DNAH5: variants seen among roughly 807,000 people sequenced by gnomAD.
DNAH5 encodes the protein dynein axonemal heavy chain 5.
A neutral mutation model predicts 518.2 loss-of-function variants in DNAH5; 372 were observed. The observed-to-expected ratio is 0.72, with a 90% CI of 0.66 to 0.78. The LOEUF (loss-of-function observed/expected upper bound fraction) is 0.78. DNAH5 is among the 30% of genes least tolerant of loss of function. The probability of loss-of-function intolerance (pLI) is 0.00; values close to 1 mark genes in which losing one functional copy is unlikely to be tolerated. For missense variants in DNAH5, 5,523 were observed against 5,687.0 expected, an observed-to-expected ratio of 0.97 and a Z score of 0.93; for synonymous variants, 2,039 against 2,025.9, an observed-to-expected ratio of 1.01 and a Z score of -0.17.
In DNAH5 at chr5:13,718,958, T is replaced by C. The variant is rs756382401; in HGVS notation, c.12423A>G (p.Thr4141=). 1.2e-6 allele frequency: 2 copies of C among 1,613,754 alleles called. No individual in the cohort carries two copies. The highest frequency in any genetic ancestry group is 1.7e-6 in the Non-Finnish European group (2 of 1,179,968). The change falls in exon 72 of 79, where the codon ACA becomes ACG. Residue 4141 remains threonine (T), a synonymous_variant. Coordinates refer to ENST00000265104, the MANE Select transcript of DNAH5 (RefSeq NM_001369.3). Reference sequence around the variant, plus strand: ...CAAATTTAATGGACATCTGAAGGAGTGTAATGGGAAACTGCTTATGAGCCT... The same window carrying C: ...CAAATTTAATGGACATCTGAAGGAGCGTAATGGGAAACTGCTTATGAGCCT... The part of the protein sequence containing the change: ...TTEAHKQFPI[T]LLQMSIKFAN...
At chr5:13,770,332 G>A (rs1353819028) in intron 56 of DNAH5, among the ~76,000 whole-genome samples, 1 of 152,166 alleles carries the variant, frequency 6.6e-6, no homozygotes. Context: ...GGAAGAGAAG[G>A]GCAAGAAGAG....
In DNAH5 at chr5:13,766,052, T is replaced by C. The variant is rs750485924; in HGVS notation, c.10025A>G (p.Glu3342Gly). 6.2e-7 allele frequency: 1 copy of C among 1,614,206 alleles called. No homozygotes were observed. The highest frequency in any genetic ancestry group is 1.1e-5 in the South Asian group (1 of 91,090). Reference sequence around the variant, plus strand: ...CCAGGAGGGCATGGTACAGCTTTTTTCCAGGTCAATTTTCACAGCACTGAC... The same window carrying C: ...CCAGGAGGGCATGGTACAGCTTTTTCCCAGGTCAATTTTCACAGCACTGAC... ...RKVSAVKIDL[E>G]KSCTMPSWQE... Residue 3342 changes from glutamate (E) to glycine (G), a missense_variant, in exon 59 of 79, where the codon GAA becomes GGA. By Grantham distance (98) the Glu-to-Gly change is moderately conservative. Around this residue, in one of 3 missense-constraint regions of DNAH5, gnomAD observed 5,121 missense variants for 5,223.3 expected, o/e 0.98. Transcript: ENST00000265104.
intron 9 of DNAH5, 57 bp from the exon 10 acceptor site, chr5:13,914,699 T>G: frequency 6.4e-7 from 1 of 1,571,122 alleles, no homozygotes; most frequent in East Asian, 2.3e-5. Flanking sequence ...GATTGTAAAC[T>G]GGACTAGAAG....
In DNAH5 at chr5:13,886,206, G is replaced by A; in HGVS notation, c.2578-77C>T. On this transcript the variant is annotated intron_variant, in intron 17 of 78. Coordinates refer to ENST00000265104, the MANE Select transcript of DNAH5 (RefSeq NM_001369.3). ...TAGCTTTTGAGAGCACAGAAACAGT[G>A]GTAGCAATGCTGTGGCTCAGCCTCC... 11 of 1,421,692 alleles carry A rather than the reference G, an allele frequency of 7.7e-6. No individual in the cohort carries two copies. The South Asian group carries it at 1.4e-4, about 18-fold the overall frequency. 88.1% of individuals were successfully genotyped at this position (1,421,692 alleles called of 1,614,324 possible). A position where few individuals can be genotyped will look rare whatever the true frequency, so the allele number is the denominator to read the frequency against.
chr5:13,710,844 A>G (rs952310138), intron 75 of DNAH5, among the ~76,000 whole-genome samples: 47 of 152,228 alleles, frequency 3.1e-4, no homozygotes, highest in African/African-American at 1.1e-3. Flanking sequence ...GAAGAGACCA[A>G]TAACAGGCAG....
intron 1 of DNAH5, among the ~76,000 whole-genome samples, chr5:13,977,991 T>C (rs1204108937): frequency 6.6e-6 from 1 of 152,176 alleles, no homozygotes; most frequent in Non-Finnish European, 1.5e-5. Context: ...GGGAAAAGGC[T>C]GTGTATATAA....
In DNAH5 at chr5:13,859,617, A is replaced by T. The variant is rs753846579; in HGVS notation, c.4797-12T>A. ...ATGGCATATTGTACCTAAAATAAGA[A>T]ATAGGTTTAGGGTTTGGTTTTGTTT... On this transcript the variant is annotated splice_polypyrimidine_tract_variant and intron_variant, in intron 29 of 78. Coordinates refer to ENST00000265104, the MANE Select transcript of DNAH5 (RefSeq NM_001369.3). 8.7e-6 allele frequency: 14 copies of T among 1,613,086 alleles called. No individual in the cohort carries two copies. Among genetic ancestry groups the T allele is most frequent in the African/African-American group, 1.3e-5 (1 of 74,920 alleles).
In DNAH5 at chr5:13,793,545, G is replaced by A. The variant is rs1182340295; in HGVS notation, c.8194C>T (p.Pro2732Ser). 1.2e-6 allele frequency: 2 copies of A among 1,613,940 alleles called. No individual in the cohort carries two copies. Among genetic ancestry groups the A allele is most frequent in the Non-Finnish European group, 1.7e-6 (2 of 1,179,924 alleles). The change falls in exon 49 of 79, where the codon CCC becomes TCC. Residue 2732 changes from proline to serine, a missense_variant. Physicochemically the swap from Pro to Ser is moderately conservative, Grantham distance 74. This residue lies in a region of DNAH5 where 5,121 missense variants were observed against 5,223.3 expected (regional missense o/e 0.98). Coordinates refer to ENST00000265104, the MANE Select transcript of DNAH5 (RefSeq NM_001369.3). ...ATCTTGTCCACAGAAGCTTCAGAGG[G>A]CAACGTGCAATTAAATATAGAGAAC... ...RQFSIFNCTL[P>S]SEASVDKIFG...
intron 27 of DNAH5, 67 bp downstream of exon 27, chr5:13,865,601 G>T (rs1176299010): frequency 2.1e-6 from 2 of 962,420 alleles, no homozygotes; most frequent in East Asian, 4.8e-5. Flanking sequence ...AGAGAACTTG[G>T]CTGCCTATCA....
At chr5:13,851,515 G>T (rs769465692) in intron 30 of DNAH5, among the ~76,000 whole-genome samples, 1 of 151,898 alleles carries the variant, frequency 6.6e-6, no homozygotes, top group East Asian at 1.9e-4. Flanking sequence ...TCATCATGTT[G>T]CCCAGGCTGG....
intron 65 of DNAH5, 134 bp downstream of exon 65, chr5:13,750,944 G>A (rs1750126829): frequency 1.0e-6 from 1 of 980,622 alleles, no homozygotes; most frequent in Admixed American, 2.3e-5. Context: ...AAAACACTTG[G>A]AGATTAATGG....
chr5:13,848,235 A>G (rs1302990666), intron 31 of DNAH5, among the ~76,000 whole-genome samples: 2 of 152,214 alleles, frequency 1.3e-5, no homozygotes, highest in Non-Finnish European at 2.9e-5. Flanking sequence ...CTAAATCTTT[A>G]TGTTAGAAGA....
chr5:13,746,090 G>C (rs1749288147), intron 65 of DNAH5, among the ~76,000 whole-genome samples: 1 of 151,988 alleles, frequency 6.6e-6, no homozygotes. Context: ...AAAACTTAAA[G>C]TTTAAAATAC....
intron 78 of DNAH5, among the ~76,000 whole-genome samples, chr5:13,693,704 G>A (rs549109462): frequency 1.2e-4 from 18 of 152,232 alleles, no homozygotes; most frequent in African/African-American, 4.1e-4. Flanking sequence ...AAAACAAAGC[G>A]TTACCCAGAC....
At chr5:13,735,096 C>T in intron 68 of DNAH5, 35 bp downstream of exon 68, 1 of 1,602,924 alleles carries the variant, frequency 6.2e-7, no homozygotes, top group Non-Finnish European at 8.5e-7. Context: ...CCTCCATCTG[C>T]ACCTGTGCGC....
chr5:13,925,394 T>C (rs1777762651), intron 3 of DNAH5, among the ~76,000 whole-genome samples: 1 of 152,224 alleles, frequency 6.6e-6, no homozygotes, highest in South Asian at 2.1e-4. Context: ...AGGAAGGATT[T>C]TGTGAGGACA....
intron 52 of DNAH5, among the ~76,000 whole-genome samples, chr5:13,785,551 A>G (rs1755857739): frequency 6.6e-6 from 1 of 152,228 alleles, no homozygotes; most frequent in African/African-American, 2.4e-5. Flanking sequence ...ACCACTAAGT[A>G]TATTGTTCAA....
chr5:13,941,865 A>C (rs1366964897), intron 1 of DNAH5, among the ~76,000 whole-genome samples: 1 of 152,246 alleles, frequency 6.6e-6, no homozygotes, highest in African/African-American at 2.4e-5. Context: ...CAGCTTTGCA[A>C]TTAGGTAAAT....
chr5:13,698,765 T>A (rs559924767), intron 78 of DNAH5, among the ~76,000 whole-genome samples: 2 of 152,196 alleles, frequency 1.3e-5, no homozygotes, highest in Admixed American at 1.3e-4. Flanking sequence ...AGTTGTAATA[T>A]GAAAGCTGGA....
Sources: gnomAD v4.1 joint callset for allele counts (sites outside exome capture counted in the v4.1 genomes callset) on GRCh38, gnomAD v4.1.1 for gene constraint, gnomAD v4.1.1 regional missense constraint, MANE v1.5 for transcripts, NCBI Gene and HGNC (gene_info 2026-07-23, HGNC 2026-07-21) for gene names.